Variants in GLYR1 observed in about 807,000 individuals in gnomAD.
The protein encoded by GLYR1 is cytokine-like nuclear factor N-PAC.
Under a neutral mutation model 72.7 loss-of-function variants are expected in GLYR1, and 21 were observed. That is an observed-to-expected ratio of 0.29 (90% CI 0.20 to 0.42). The LOEUF (loss-of-function observed/expected upper bound fraction) is 0.42. Ranked by LOEUF, GLYR1 falls within the 10% of genes least tolerant of loss-of-function variation. The pLI is 1.00. For missense variants in GLYR1, 594 were observed against 712.1 expected (o/e 0.83, Z 1.89); for synonymous variants, 392 against 270.2 (o/e 1.45, Z -4.42).
At chr16:4,839,402 C>T (rs993573326) in intron 3 of GLYR1, 2 of 152,144 alleles carry the variant, frequency 1.3e-5, no homozygotes, top group African/African-American at 4.8e-5. Flanking sequence ...CCCGATGAAA[C>T]TTTTAAACCG....
chr16:4,824,850 A>ACAGTGG (rs2084278494), intron 5 of GLYR1, among the ~76,000 whole-genome samples: 1 of 152,070 alleles, frequency 6.6e-6, no homozygotes, highest in African/African-American at 2.4e-5. Context: ...CCTTCCAGCC[A>ACAGTGG]CAGTGGCCCT....
In GLYR1 at chr16:4,811,275, A is replaced by G. The variant is rs1181757996; in HGVS notation, c.1482T>C (p.Phe494=). 3.1e-6 allele frequency: 5 copies of G among 1,614,154 alleles called. No homozygotes were observed. Among genetic ancestry groups the G allele is most frequent in the East Asian group, 2.2e-5 (1 of 44,892 alleles). ...TGTATTTCAGGTAGAAATCAGGCTT[A>G]AAGTTTCCTTGCAGGATATCTGAGG... ...QKCQNILQGN[F]KPDFYLKYIQ... is the part of the protein sequence containing the mutation. Residue 494 remains phenylalanine (F), a synonymous_variant, in exon 15 of 16, where the codon TTT becomes TTC. Transcript: ENST00000321919.
intron 3 of GLYR1, among the ~76,000 whole-genome samples, 195 bp downstream of exon 3, chr16:4,844,879 G>C (rs963717185): frequency 3.9e-5 from 6 of 152,166 alleles, no homozygotes; most frequent in Non-Finnish European, 8.8e-5. Context: ...CTTAGTTATA[G>C]ACCTAGGACA....
At chr16:4,825,775 C>T (rs1334812363) in intron 5 of GLYR1, among the ~76,000 whole-genome samples, 2 of 152,082 alleles carry the variant, frequency 1.3e-5, no homozygotes, top group Non-Finnish European at 2.9e-5. Context: ...CCTCAGCCTC[C>T]TGAGTAGCTG....
intron 5 of GLYR1, among the ~76,000 whole-genome samples, chr16:4,825,574 T>C (rs1376161701): frequency 6.6e-6 from 1 of 152,242 alleles, no homozygotes; most frequent in Non-Finnish European, 1.5e-5. Context: ...TACTATGTGC[T>C]AGACATCACA....
intron 3 of GLYR1, among the ~76,000 whole-genome samples, chr16:4,842,722 CAG>C (rs2085655669): frequency 1.3e-5 from 2 of 151,822 alleles, no homozygotes; most frequent in South Asian, 4.2e-4. Context: ...TTTTTTGAGA[CAG>C]AGTCTCGCTC....
rs1486625603 is a variant in GLYR1, at chr16:4,822,908, A to G, written c.648T>C (p.His216=). The change falls in exon 7 of 16, where the codon CAT becomes CAC. Residue 216 remains histidine, a synonymous_variant. Coordinates refer to ENST00000321919, the MANE Select transcript of GLYR1 (RefSeq NM_032569.4). ...ASEPVKDADP[H]FHHFLLSQTE... ...TTTGGCTTAGCAGGAAATGATGGAA[A>G]TGAGGATCTGCATCTTTAACAGGCT... 1.2e-5 allele frequency: 20 copies of G among 1,614,102 alleles called. No homozygotes were observed. The highest frequency in any genetic ancestry group is 1.6e-5 in the Non-Finnish European group (19 of 1,180,016).
chr16:4,826,571 A>T (rs908352475), intron 5 of GLYR1, among the ~76,000 whole-genome samples: 9 of 152,338 alleles, frequency 5.9e-5, no homozygotes, highest in Admixed American at 5.9e-4. Flanking sequence ...CTCTCCAGGC[A>T]TTTGGCCTAT....
At chr16:4,839,427 AC>A (rs1345072867) in intron 3 of GLYR1, 1 of 151,742 alleles carries the variant, frequency 6.6e-6, no homozygotes, top group Non-Finnish European at 1.5e-5. Context: ...CTCTGTCTCT[AC>A]TCTGATGGGG....
intron 5 of GLYR1, among the ~76,000 whole-genome samples, chr16:4,824,127 A>C (rs1382250126): frequency 1.3e-5 from 2 of 152,230 alleles, no homozygotes; most frequent in Admixed American, 1.3e-4. Flanking sequence ...AAATTTCACA[A>C]AGATGGAGGT....
intron 10 of GLYR1, among the ~76,000 whole-genome samples, chr16:4,817,134 T>C (rs1260155240): frequency 1.3e-5 from 2 of 151,370 alleles, no homozygotes; most frequent in African/African-American, 4.9e-5. Context: ...TATTTTTTTT[T>C]TTTGAGACGG....
intron 6 of GLYR1, 119 bp from the exon 7 acceptor site, chr16:4,823,050 C>G (rs931411228): frequency 2.4e-6 from 2 of 843,260 alleles, no homozygotes; most frequent in African/African-American, 3.4e-5. Context: ...CTCTTTTTCA[C>G]AATTGTCTGG....
intron 3 of GLYR1, among the ~76,000 whole-genome samples, chr16:4,841,910 T>C (rs912142898): frequency 6.6e-6 from 1 of 152,174 alleles, no homozygotes; most frequent in Admixed American, 6.5e-5. Context: ...ATAGTCCCCA[T>C]CCATCCAGAT....
intron 9 of GLYR1, among the ~76,000 whole-genome samples, chr16:4,818,893 G>C (rs1019197784): frequency 1.3e-5 from 2 of 151,986 alleles, no homozygotes; most frequent in Non-Finnish European, 1.5e-5. Flanking sequence ...CCTTCCACAG[G>C]TCCTTCCCAA....
intron 12 of GLYR1, among the ~76,000 whole-genome samples, chr16:4,812,682 C>T (rs1377248469): frequency 6.6e-6 from 1 of 150,714 alleles, no homozygotes; most frequent in African/African-American, 2.4e-5. Context: ...TTAGTAGAGA[C>T]AGGTTTCACC....
chr16:4,844,669 G>C (rs560048399), intron 3 of GLYR1, among the ~76,000 whole-genome samples: 1 of 152,232 alleles, frequency 6.6e-6, no homozygotes, highest in Non-Finnish European at 1.5e-5. Flanking sequence ...GCTGAGGTGA[G>C]AGAACCGCTT....
intron 3 of GLYR1, among the ~76,000 whole-genome samples, chr16:4,837,741 G>A (rs974209762): frequency 6.6e-6 from 1 of 151,926 alleles, no homozygotes; most frequent in African/African-American, 2.4e-5. Context: ...AGACCACCCT[G>A]GCCAACACGG....
chr16:4,829,094 T>C (rs956308669), intron 5 of GLYR1, among the ~76,000 whole-genome samples: 3 of 151,994 alleles, frequency 2.0e-5, no homozygotes, highest in African/African-American at 7.2e-5. Context: ...TGGCAGCTTT[T>C]CCAAACCTTG....
intron 3 of GLYR1, among the ~76,000 whole-genome samples, chr16:4,836,028 AACT>A (rs2085107288): frequency 6.6e-6 from 1 of 152,064 alleles, no homozygotes; most frequent in Non-Finnish European, 1.5e-5. Flanking sequence ...CGAACTCCTG[AACT>A]CAAGTAATCT....
Sources: gnomAD v4.1 joint callset for allele counts (sites outside exome capture counted in the v4.1 genomes callset) on GRCh38, gnomAD v4.1.1 for gene constraint, MANE v1.5 for transcripts, NCBI Gene and HGNC (gene_info 2026-07-23, HGNC 2026-07-21) for gene names.